Variants in NRG3 observed in about 807,000 individuals in gnomAD.
The protein encoded by NRG3 is pro-neuregulin-3, membrane-bound isoform.
NRG3 carries 31 observed loss-of-function variants against 66.9 expected under a neutral mutation model. The ratio of observed to expected loss-of-function variants is 0.46; its 90% confidence interval spans 0.35 to 0.63. The LOEUF (loss-of-function observed/expected upper bound fraction) is 0.63, where lower values mean the gene tolerates loss of function less well. Ranked by LOEUF, NRG3 falls within the 20% of genes least tolerant of loss-of-function variation. NRG3 has a pLI of 0.00. For synonymous variants in NRG3, 393 were observed against 359.4 expected, an observed-to-expected ratio of 1.09 and a Z score of -1.06; for missense variants, 910 against 878.9, an observed-to-expected ratio of 1.04 and a Z score of -0.45.
chr10:82,515,076 G>A (rs901172839), intron 2 of NRG3, among the ~76,000 whole-genome samples: 5 of 152,120 alleles, frequency 3.3e-5, no homozygotes, highest in African/African-American at 1.2e-4. Context: ...CAGCACATGG[G>A]ATTGTCAGAC....
intron 2 of NRG3, among the ~76,000 whole-genome samples, chr10:82,365,052 G>C (rs917413800): frequency 2.0e-5 from 3 of 152,148 alleles, no homozygotes; most frequent in Non-Finnish European, 4.4e-5. Context: ...TGGTCATTGC[G>C]TAACGACAAT....
intron 2 of NRG3, among the ~76,000 whole-genome samples, chr10:82,445,977 G>T (rs1162442295): frequency 6.6e-6 from 1 of 152,102 alleles, no homozygotes; most frequent in Non-Finnish European, 1.5e-5. Flanking sequence ...ACTTAAATGG[G>T]GATTAATATC....
At chr10:82,729,733 A>T (rs1440129103) in intron 2 of NRG3, among the ~76,000 whole-genome samples, 1 of 152,192 alleles carries the variant, frequency 6.6e-6, no homozygotes, top group East Asian at 1.9e-4. Flanking sequence ...GAAGTAAAAA[A>T]TTGATGTGAA....
At chr10:82,163,219 C>G (rs1227637030) in intron 1 of NRG3, among the ~76,000 whole-genome samples, 1 of 152,038 alleles carries the variant, frequency 6.6e-6, no homozygotes, top group Non-Finnish European at 1.5e-5. Context: ...TTTTAACCTT[C>G]CACTCAAAAA....
chr10:82,165,509 A>G (rs2071969490), intron 1 of NRG3, among the ~76,000 whole-genome samples: 1 of 152,028 alleles, frequency 6.6e-6, no homozygotes, highest in African/African-American at 2.4e-5. Context: ...CATACTTTTC[A>G]TTAGGCATTT....
chr10:82,007,211 C>CTTTTT (rs34146080), intron 1 of NRG3, among the ~76,000 whole-genome samples: 3 of 130,544 alleles, frequency 2.3e-5, no homozygotes, highest in Admixed American at 8.3e-5. Context: ...TTTTTCTTTT[C>CTTTTT]TTTTTTTTTT....
chr10:82,358,968 C>A, intron 2 of NRG3, 100 bp downstream of exon 2: 1 of 1,506,864 alleles, frequency 6.6e-7, no homozygotes, highest in Non-Finnish European at 9.1e-7. Context: ...CCGGGATACA[C>A]ACAGTCCCAC....
chr10:82,372,242 A>G (rs2084937442), intron 2 of NRG3, among the ~76,000 whole-genome samples: 1 of 152,212 alleles, frequency 6.6e-6, no homozygotes, highest in African/African-American at 2.4e-5. Flanking sequence ...GGAAATTTCA[A>G]AATTACTTTA....
At chr10:82,038,615 A>G (rs746428864) in intron 1 of NRG3, among the ~76,000 whole-genome samples, 3 of 152,078 alleles carry the variant, frequency 2.0e-5, no homozygotes, top group Non-Finnish European at 4.4e-5. Flanking sequence ...GCTTTTATGG[A>G]GTGAATTTGA....
intron 1 of NRG3, among the ~76,000 whole-genome samples, chr10:82,159,465 G>C (rs753779571): frequency 6.6e-6 from 1 of 151,722 alleles, no homozygotes; most frequent in Non-Finnish European, 1.5e-5. Flanking sequence ...CATCCTTTAG[G>C]ATTTCATTCC....
At chr10:82,167,416 T>G (rs998869311) in intron 1 of NRG3, among the ~76,000 whole-genome samples, 3 of 152,122 alleles carry the variant, frequency 2.0e-5, no homozygotes, top group African/African-American at 4.8e-5. Context: ...ACAAAATGAT[T>G]CTTAAGTCTG....
intron 3 of NRG3, among the ~76,000 whole-genome samples, chr10:82,815,228 T>C (rs1189693364): frequency 1.3e-5 from 2 of 152,148 alleles, no homozygotes; most frequent in Non-Finnish European, 2.9e-5. Flanking sequence ...AATGTCCAGG[T>C]ACTTTTTGCT....
chr10:82,483,497 A>G (rs890667033), intron 2 of NRG3, among the ~76,000 whole-genome samples: 3 of 152,222 alleles, frequency 2.0e-5, no homozygotes, highest in Non-Finnish European at 1.5e-5. Flanking sequence ...TGATGATGAC[A>G]TGATGTTGCT....
chr10:82,565,252 C>A (rs1239141253), intron 2 of NRG3, among the ~76,000 whole-genome samples: 1 of 152,096 alleles, frequency 6.6e-6, no homozygotes, highest in Non-Finnish European at 1.5e-5. Context: ...GTTTCTCCTT[C>A]CTTACACATT....
chr10:82,236,918 T>C lies in NRG3; in HGVS notation c.824-121821T>C, dbSNP rs1382942268. ...TTTTAGTAGAGACGGGGTTTCACCG[T>C]GTTAGCCAGGATGGTCTCGATCTCC... On this transcript the variant is annotated intron_variant, in intron 1 of 8. Transcript: ENST00000372141. Among the ~76,000 whole-genome samples the C allele has an allele frequency of 2.6e-5, 4 of 152,120 alleles. No individual in the cohort carries two copies. In the East Asian group the frequency reaches 7.8e-4, roughly 30 times the overall value.
chr10:82,386,402 G>A (rs1485987967), intron 2 of NRG3, among the ~76,000 whole-genome samples: 2 of 152,096 alleles, frequency 1.3e-5, no homozygotes, highest in Non-Finnish European at 2.9e-5. Flanking sequence ...TTATGTATTT[G>A]TCAAAAATCA....
chr10:82,777,389 G>C (rs991117430), intron 3 of NRG3, among the ~76,000 whole-genome samples: 1 of 152,102 alleles, frequency 6.6e-6, no homozygotes, highest in African/African-American at 2.4e-5. Context: ...CCATAGTGGT[G>C]CTGTACTACA....
intron 1 of NRG3, among the ~76,000 whole-genome samples, chr10:81,913,449 A>G (rs961106297): frequency 1.3e-5 from 2 of 150,968 alleles, no homozygotes; most frequent in African/African-American, 4.9e-5. Context: ...TTTGAGACAG[A>G]GTCTCACTCT....
intron 2 of NRG3, among the ~76,000 whole-genome samples, chr10:82,386,992 A>T (rs1337077307): frequency 6.6e-6 from 1 of 151,922 alleles, no homozygotes; most frequent in Non-Finnish European, 1.5e-5. Flanking sequence ...TAGATATGGG[A>T]TCTCACCATG....
Sources: gnomAD v4.1 joint callset for allele counts (sites outside exome capture counted in the v4.1 genomes callset) on GRCh38, gnomAD v4.1.1 for gene constraint, MANE v1.5 for transcripts, NCBI Gene and HGNC (gene_info 2026-07-23, HGNC 2026-07-21) for gene names.